RNGTT: variants seen among roughly 807,000 people sequenced by gnomAD.
The protein encoded by RNGTT is mRNA-capping enzyme.
Under a neutral mutation model 79.3 loss-of-function variants are expected in RNGTT, and 33 were observed. The ratio of observed to expected loss-of-function variants is 0.42; its 90% CI spans 0.32 to 0.56. RNGTT has a LOEUF of 0.56. Among genes scored for constraint, RNGTT ranks in the 20% least tolerant of loss-of-function variants. The probability of loss-of-function intolerance (pLI) is 0.17; values close to 1 mark genes in which losing one functional copy is unlikely to be tolerated. For missense variants in RNGTT, 497 were observed against 739.1 expected (o/e 0.67, Z 3.80); for synonymous variants, 222 against 235.9 (o/e 0.94, Z 0.54).
In RNGTT at chr6:88,897,009, T is replaced by C. The variant is rs150797071; in HGVS notation, c.685-5094A>G. 5.0e-3 allele frequency among the ~76,000 whole-genome samples: 756 copies of C among 152,300 alleles called. 5 individuals carry two copies. The highest frequency in any genetic ancestry group is 0.017 in the African/African-American group (696 of 41,550). ...ACCTTTTGATTCAATACAACTCACA[T>C]TGATTGAGTGCCGACAGCATTCTAA... is the stretch of plus-strand genomic sequence containing the variant. On this transcript the variant is annotated intron_variant, in intron 6 of 15. Coordinates refer to ENST00000369485, the MANE Select transcript of RNGTT (RefSeq NM_003800.5).
intron 13 of RNGTT, among the ~76,000 whole-genome samples, chr6:88,731,174 C>T (rs186159728): frequency 9.9e-5 from 15 of 151,800 alleles, no homozygotes; most frequent in Non-Finnish European, 2.1e-4. Context: ...ATAAAAGCCC[C>T]CCCAAAAAAA....
At chr6:88,763,488 C>A (rs1409649110) in intron 13 of RNGTT, among the ~76,000 whole-genome samples, 1 of 152,190 alleles carries the variant, frequency 6.6e-6, no homozygotes, top group Non-Finnish European at 1.5e-5. Flanking sequence ...CACCAACTTA[C>A]AATCTCAACA....
intron 13 of RNGTT, among the ~76,000 whole-genome samples, chr6:88,750,198 C>T (rs1777795490): frequency 6.6e-6 from 1 of 152,078 alleles, no homozygotes; most frequent in Non-Finnish European, 1.5e-5. Context: ...ACAATTCAAC[C>T]CACTACACCA....
At position 88,844,899 on chromosome 6, in the gene RNGTT, G is replaced by A. The variant is rs1781437474; in HGVS notation, c.1105-378C>T. 3.3e-5 allele frequency among the ~76,000 whole-genome samples: 5 copies of A among 151,782 alleles called. No individual in the cohort carries two copies. The South Asian group carries it at 8.3e-4, about 25-fold the overall frequency. The stretch of plus-strand genomic sequence containing the variant: ...GCCCAGGAGTTTGAGGCTAGCCTGG[G>A]CAACAGAGCAAGACCACCACTTCCA... On this transcript the variant is annotated intron_variant, in intron 10 of 15. Coordinates refer to ENST00000369485, the MANE Select transcript of RNGTT (RefSeq NM_003800.5).
intron 11 of RNGTT, among the ~76,000 whole-genome samples, chr6:88,833,914 A>G (rs1268339500): frequency 6.6e-6 from 1 of 152,148 alleles, no homozygotes; most frequent in Non-Finnish European, 1.5e-5. Context: ...CTAACTATTC[A>G]GGAGGCTGAG....
intron 8 of RNGTT, among the ~76,000 whole-genome samples, chr6:88,874,178 C>CT (rs1288874820): frequency 6.6e-6 from 1 of 152,072 alleles, no homozygotes; most frequent in African/African-American, 2.4e-5. Flanking sequence ...ACAGGTTATG[C>CT]TTTTCAGAAC....
intron 4 of RNGTT, among the ~76,000 whole-genome samples, chr6:88,918,535 C>T (rs920884915): frequency 6.6e-5 from 10 of 151,738 alleles, no homozygotes; most frequent in Non-Finnish European, 1.3e-4. Context: ...GGACAAGAAC[C>T]TAGTTAAACC....
intron 13 of RNGTT, among the ~76,000 whole-genome samples, chr6:88,685,477 T>C (rs1045541412): frequency 6.7e-6 from 1 of 149,900 alleles, no homozygotes; most frequent in Admixed American, 6.7e-5. Context: ...AAAAATGCAA[T>C]GTTGAAGTAA....
intron 11 of RNGTT, among the ~76,000 whole-genome samples, chr6:88,810,655 T>C (rs1031020019): frequency 3.3e-5 from 5 of 152,250 alleles, no homozygotes; most frequent in African/African-American, 4.8e-5. Context: ...AAACTCACTT[T>C]GATATTCTTT....
At chr6:88,954,059 G>A (rs140441201) in intron 1 of RNGTT, among the ~76,000 whole-genome samples, 249 of 152,188 alleles carry the variant, frequency 1.6e-3, no homozygotes, top group African/African-American at 5.5e-3. Flanking sequence ...CCTATAAAAC[G>A]ATAACAGAAT....
At chr6:88,794,739 G>A (rs1462824124) in intron 12 of RNGTT, among the ~76,000 whole-genome samples, 1 of 152,144 alleles carries the variant, frequency 6.6e-6, no homozygotes, top group Non-Finnish European at 1.5e-5. Flanking sequence ...TTTTTGCTTT[G>A]AGAATAATCA....
chr6:88,726,525 G>A (rs1000777656), intron 13 of RNGTT, among the ~76,000 whole-genome samples: 3 of 152,116 alleles, frequency 2.0e-5, no homozygotes, highest in African/African-American at 7.2e-5. Flanking sequence ...CCTAACATGG[G>A]ATCTAAATCT....
intron 8 of RNGTT, among the ~76,000 whole-genome samples, chr6:88,865,692 T>G (rs1782144657): frequency 6.6e-6 from 1 of 152,120 alleles, no homozygotes; most frequent in Non-Finnish European, 1.5e-5. Flanking sequence ...TTTAAAAACT[T>G]GAATCAGGTA....
intron 13 of RNGTT, among the ~76,000 whole-genome samples, chr6:88,749,066 T>C (rs1777758938): frequency 6.6e-6 from 1 of 152,122 alleles, no homozygotes; most frequent in Non-Finnish European, 1.5e-5. Context: ...AAACTGTCTA[T>C]ATGCTGAAGA....
At chr6:88,725,011 T>A (rs533914257) in intron 13 of RNGTT, among the ~76,000 whole-genome samples, 78 of 152,318 alleles carry the variant, frequency 5.1e-4, no homozygotes, top group Non-Finnish European at 1.0e-3. Flanking sequence ...CATTGCTCCA[T>A]GTGTAAGGGC....
At chr6:88,743,953 T>C (rs973597008) in intron 13 of RNGTT, among the ~76,000 whole-genome samples, 1 of 152,210 alleles carries the variant, frequency 6.6e-6, no homozygotes, top group South Asian at 2.1e-4. Context: ...TTTAGTATGA[T>C]GAATTGAAAT....
chr6:88,941,250 A>G, intron 1 of RNGTT, 70 bp from the exon 2 acceptor site: 2 of 1,060,386 alleles, frequency 1.9e-6, no homozygotes, highest in South Asian at 1.4e-5. Context: ...ATAATTAACA[A>G]TTCTCAAATA....
At chr6:88,812,196 C>T (rs1464997657) in intron 11 of RNGTT, among the ~76,000 whole-genome samples, 4 of 152,098 alleles carry the variant, frequency 2.6e-5, no homozygotes, top group Admixed American at 6.5e-5. Flanking sequence ...AAATATAAAT[C>T]GCTTTTGCAA....
At chr6:88,730,580 A>G (rs750635826) in intron 13 of RNGTT, among the ~76,000 whole-genome samples, 1 of 152,230 alleles carries the variant, frequency 6.6e-6, no homozygotes. Flanking sequence ...TTTACTTACA[A>G]CAAGAATCTA....
Sources: gnomAD v4.1 joint callset for allele counts (sites outside exome capture counted in the v4.1 genomes callset) on GRCh38, gnomAD v4.1.1 for gene constraint, MANE v1.5 for transcripts, NCBI Gene and HGNC (gene_info 2026-07-23, HGNC 2026-07-21) for gene names.